C9orf153: variants seen among roughly 807,000 people sequenced by gnomAD.
The protein encoded by C9orf153 is uncharacterized protein C9orf153.
A neutral mutation model predicts 9.0 loss-of-function variants in C9orf153; 10 were observed. That is an observed-to-expected ratio of 1.11 (90% CI 0.69 to 1.89). The LOEUF (loss-of-function observed/expected upper bound fraction) is 1.89, where lower values mean the gene tolerates loss of function less well. C9orf153 is among the 40% of genes most tolerant of loss of function. The pLI, the probability that C9orf153 is intolerant of heterozygous loss-of-function variation, is 0.00. For synonymous variants in C9orf153, 35 were observed against 37.3 expected, an observed-to-expected ratio of 0.94 and a Z score of 0.23; for missense variants, 108 against 111.0, an observed-to-expected ratio of 0.97 and a Z score of 0.12.
At chr9:86,229,163 G>C (rs1238252580) in intron 2 of C9orf153, among the ~76,000 whole-genome samples, 1 of 151,416 alleles carries the variant, frequency 6.6e-6, no homozygotes, top group South Asian at 2.1e-4. Flanking sequence ...GTGTTTTTTT[G>C]GGGAGTTAAA....
chr9:86,239,225 C>A (rs1325357163), intron 1 of C9orf153, among the ~76,000 whole-genome samples: 1 of 151,126 alleles, frequency 6.6e-6, no homozygotes, highest in Non-Finnish European at 1.5e-5. Context: ...TGTGCCACTG[C>A]ACTCCAGCCT....
intron 1 of C9orf153, among the ~76,000 whole-genome samples, chr9:86,243,557 C>G (rs1824797111): frequency 6.6e-6 from 1 of 151,744 alleles, no homozygotes; most frequent in Admixed American, 6.6e-5. Flanking sequence ...CCTCTGCCTC[C>G]CAGGTTCAAG....
At chr9:86,243,597 T>C (rs1397386891) in intron 1 of C9orf153, among the ~76,000 whole-genome samples, 1 of 151,914 alleles carries the variant, frequency 6.6e-6, no homozygotes, top group Non-Finnish European at 1.5e-5. Flanking sequence ...TCTCAGACCC[T>C]TAACTGTGAT....
At position 86,221,188 on chromosome 9, in the gene C9orf153, T is replaced by G. The variant is rs1021604684; in HGVS notation, c.*500A>C. The stretch of plus-strand genomic sequence containing the variant: ...TACTTTATGATGATGAACTTCCTTG[T>G]GTGCTTAAAATTCCTTAAAAAGCTA... On this transcript the variant is annotated 3_prime_UTR_variant, in exon 4 of 4. Transcript: ENST00000339137. 1 of 152,498 alleles carries G rather than the reference T, an allele frequency of 6.6e-6. No homozygotes were observed. Among genetic ancestry groups the G allele is most frequent in the Non-Finnish European group, 1.5e-5 (1 of 68,256 alleles). 9.4% of individuals were successfully genotyped at this position (152,498 alleles called of 1,614,324 possible).
chr9:86,246,347 T>C (rs1464137805), intron 1 of C9orf153, among the ~76,000 whole-genome samples: 1 of 152,160 alleles, frequency 6.6e-6, no homozygotes, highest in Non-Finnish European at 1.5e-5. Context: ...TACTAAGGAT[T>C]TGGGAAAAGT....
At chr9:86,240,377 CTTTTTT>C (rs34559572) in intron 1 of C9orf153, among the ~76,000 whole-genome samples, 3 of 135,900 alleles carry the variant, frequency 2.2e-5, no homozygotes, top group East Asian at 2.1e-4. Context: ...TCTTCTTTTC[CTTTTTT>C]TTTTTTTTTT....
chr9:86,240,438 G>T (rs528894582), intron 1 of C9orf153, among the ~76,000 whole-genome samples: 6 of 147,478 alleles, frequency 4.1e-5, no homozygotes, highest in South Asian at 4.3e-4. Flanking sequence ...GTGCAGTGGC[G>T]CTATCTCGGC....
At chr9:86,232,177 A>G (rs1163687990) in intron 1 of C9orf153, among the ~76,000 whole-genome samples, 2 of 152,220 alleles carry the variant, frequency 1.3e-5, no homozygotes, top group African/African-American at 4.8e-5. Flanking sequence ...CAAGGAATGG[A>G]GCACAAATAA....
chr9:86,242,419 C>T (rs548726277), intron 1 of C9orf153, among the ~76,000 whole-genome samples: 1 of 152,002 alleles, frequency 6.6e-6, no homozygotes, highest in South Asian at 2.1e-4. Flanking sequence ...GAGTAGTTGG[C>T]ACAGCTTTGT....
At chr9:86,234,542 A>G (rs1194524217) in intron 1 of C9orf153, among the ~76,000 whole-genome samples, 1 of 152,196 alleles carries the variant, frequency 6.6e-6, no homozygotes, top group Non-Finnish European at 1.5e-5. Context: ...CCCTACCTCA[A>G]TCCTTACACA....
intron 1 of C9orf153, among the ~76,000 whole-genome samples, chr9:86,257,813 A>G (rs1025960228): frequency 6.6e-6 from 1 of 152,222 alleles, no homozygotes; most frequent in African/African-American, 2.4e-5. Context: ...GGCCAGGAAC[A>G]GATCAGTTGA....
intron 1 of C9orf153, among the ~76,000 whole-genome samples, chr9:86,237,745 A>G (rs147825691): frequency 3.3e-5 from 5 of 152,318 alleles, no homozygotes; most frequent in Non-Finnish European, 5.9e-5. Flanking sequence ...GTCAATACAT[A>G]ACAATTTGTA....
At chr9:86,245,915 A>C (rs1269660816) in intron 1 of C9orf153, among the ~76,000 whole-genome samples, 3 of 152,160 alleles carry the variant, frequency 2.0e-5, no homozygotes, top group Non-Finnish European at 4.4e-5. Flanking sequence ...CTTTCCCCTA[A>C]AGAATCCTGA....
intron 1 of C9orf153, among the ~76,000 whole-genome samples, chr9:86,235,041 G>C (rs954232772): frequency 3.7e-4 from 56 of 152,146 alleles, no homozygotes; most frequent in Non-Finnish European, 6.5e-4. Flanking sequence ...GCAGCTTACT[G>C]AAGTAGGAAG....
rs945514229 is a variant in C9orf153, at chr9:86,227,894, C to T, written c.203G>A (p.Arg68Lys). 3 of 1,613,592 alleles carry T rather than the reference C, an allele frequency of 1.9e-6. No homozygotes were observed. In the African/African-American group the frequency reaches 4.0e-5, roughly 22 times the overall value. The change falls in exon 3 of 4, where the codon AGG (arginine) becomes AAG (lysine). Residue 68 changes from arginine (R) to lysine (K), a missense_variant. Transcript: ENST00000339137. ...ARNLNVMSFT[R>K]GADVRGDLQP... Reference sequence around the variant, plus strand: ...GAGATCTCCTCTCACATCAGCGCCCCTGGTGAATGACATGACATTCAGGTT... The same window carrying T: ...GAGATCTCCTCTCACATCAGCGCCCTTGGTGAATGACATGACATTCAGGTT...
At chr9:86,234,130 C>T (rs556535109) in intron 1 of C9orf153, among the ~76,000 whole-genome samples, 17 of 152,272 alleles carry the variant, frequency 1.1e-4, no homozygotes, top group African/African-American at 3.8e-4. Context: ...TACCGCAATG[C>T]CATAAATGTT....
intron 1 of C9orf153, among the ~76,000 whole-genome samples, chr9:86,230,996 G>A (rs576329738): frequency 3.6e-4 from 55 of 152,232 alleles, no homozygotes; most frequent in Admixed American, 1.4e-3. Context: ...GAGGCTTTGC[G>A]GCTTTCCTAC....
chr9:86,256,715 G>A (rs1825129632), intron 1 of C9orf153, among the ~76,000 whole-genome samples: 1 of 152,138 alleles, frequency 6.6e-6, no homozygotes, highest in South Asian at 2.1e-4. Context: ...TTGTTTAAAG[G>A]CATTTTGTAT....
At chr9:86,242,188 A>T (rs1824759759) in intron 1 of C9orf153, among the ~76,000 whole-genome samples, 2 of 152,160 alleles carry the variant, frequency 1.3e-5, no homozygotes, top group Admixed American at 1.3e-4. Context: ...TCCAGGCAGA[A>T]GGACCAGCCG....
Sources: gnomAD v4.1 joint callset for allele counts (sites outside exome capture counted in the v4.1 genomes callset) on GRCh38, gnomAD v4.1.1 for gene constraint, MANE v1.5 for transcripts, NCBI Gene and HGNC (gene_info 2026-07-23, HGNC 2026-07-21) for gene names.